The following PLXNA4 variants were observed in gnomAD, a reference collection of about 807,000 sequenced individuals.
PLXNA4 encodes the protein plexin-A4.
In PLXNA4, 44 loss-of-function variants were observed where a neutral mutation model predicts 191.8. The ratio of observed to expected loss-of-function variants is 0.23; its 90% confidence interval spans 0.18 to 0.29. The LOEUF (loss-of-function observed/expected upper bound fraction) is 0.29. Ranked by LOEUF, PLXNA4 falls within the 10% of genes least tolerant of loss-of-function variation. PLXNA4 has a pLI of 1.00. For synonymous variants in PLXNA4, 1,082 were observed against 1,009.5 expected (o/e 1.07, Z -1.36); for missense variants, 1,800 against 2,488.8 (o/e 0.72, Z 5.89).
intron 2 of PLXNA4, among the ~76,000 whole-genome samples, chr7:132,586,694 A>G (rs1342302209): frequency 6.6e-6 from 1 of 152,212 alleles, no homozygotes; most frequent in African/African-American, 2.4e-5. Context: ...CGGAGGTTGC[A>G]GTGAGCCGAG....
intron 3 of PLXNA4, among the ~76,000 whole-genome samples, chr7:132,475,908 CGAGTCA>C (rs1797109656): frequency 6.6e-6 from 1 of 152,102 alleles, no homozygotes; most frequent in Admixed American, 6.5e-5. Flanking sequence ...CCAAAGTGGG[CGAGTCA>C]GAGGTAAACT....
intron 9 of PLXNA4, among the ~76,000 whole-genome samples, chr7:132,219,656 GT>G (rs746337787): frequency 2.0e-5 from 3 of 151,644 alleles, no homozygotes; most frequent in African/African-American, 7.3e-5. Flanking sequence ...TAATTGGGTA[GT>G]TTTTTTTTAC....
rs557943330 is a variant in PLXNA4, at chr7:132,346,311, A to G, written c.1372-48089T>C. On this transcript the variant is annotated intron_variant, in intron 3 of 31. Coordinates refer to ENST00000321063, the MANE Select transcript of PLXNA4 (RefSeq NM_020911.2). ...AGGCTCTTCACATCTTTGGTCCACT[A>G]TCAGGAAGGCAGTTAGATGTTTTAA... Among the ~76,000 whole-genome samples, 6 of 152,330 alleles carry G rather than the reference A, an allele frequency of 3.9e-5. No individual in the cohort carries two copies. The South Asian group carries it at 1.2e-3, about 32-fold the overall frequency.
intron 3 of PLXNA4, among the ~76,000 whole-genome samples, chr7:132,306,807 C>T (rs1251586810): frequency 1.3e-5 from 2 of 152,152 alleles, no homozygotes; most frequent in Non-Finnish European, 2.9e-5. Flanking sequence ...GGGGCCACAT[C>T]TCAGCTCAAA....
chr7:132,438,275 C>G (rs567212703), intron 3 of PLXNA4, among the ~76,000 whole-genome samples: 1 of 152,252 alleles, frequency 6.6e-6, no homozygotes, highest in Non-Finnish European at 1.5e-5. Flanking sequence ...GTGTAGATAA[C>G]AGTAAGTAAC....
At chr7:132,434,094 C>T (rs1795379595) in intron 3 of PLXNA4, among the ~76,000 whole-genome samples, 1 of 152,242 alleles carries the variant, frequency 6.6e-6, no homozygotes, top group African/African-American at 2.4e-5. Flanking sequence ...CCTTGCCTGA[C>T]TCCAAGGACG....
chr7:132,469,980 C>T (rs1051249134), intron 3 of PLXNA4, among the ~76,000 whole-genome samples: 6 of 152,212 alleles, frequency 3.9e-5, no homozygotes, highest in African/African-American at 4.8e-5. Context: ...TGTATACTGT[C>T]GGGTTCAGTG....
chr7:132,191,453 G>C (rs927102860), intron 14 of PLXNA4, among the ~76,000 whole-genome samples: 3 of 152,168 alleles, frequency 2.0e-5, no homozygotes, highest in Non-Finnish European at 4.4e-5. Flanking sequence ...GAACAGCCAG[G>C]TGATGGTGGC....
chr7:132,375,010 C>T (rs990060294), intron 3 of PLXNA4, among the ~76,000 whole-genome samples: 8 of 152,208 alleles, frequency 5.3e-5, no homozygotes, highest in East Asian at 1.9e-4. Context: ...CCAAGAAAGG[C>T]GAGGCTGTCC....
chr7:132,311,505 A>G (rs1801740878), intron 3 of PLXNA4, among the ~76,000 whole-genome samples: 2 of 152,072 alleles, frequency 1.3e-5, no homozygotes, highest in African/African-American at 4.8e-5. Flanking sequence ...TGAAGTTTAC[A>G]TTTTCTGGCT....
chr7:132,158,439 C>T (rs907946146), intron 25 of PLXNA4, among the ~76,000 whole-genome samples: 2 of 152,198 alleles, frequency 1.3e-5, no homozygotes, highest in African/African-American at 2.4e-5. Flanking sequence ...AGCACATACA[C>T]ACATCAATGC....
chr7:132,249,438 T>C (rs892668485), intron 4 of PLXNA4, among the ~76,000 whole-genome samples: 5 of 152,176 alleles, frequency 3.3e-5, no homozygotes, highest in African/African-American at 1.2e-4. Flanking sequence ...TTGGTCCTCA[T>C]TAGCAAACGG....
At chr7:132,621,513 C>A (rs1424060989) in intron 2 of PLXNA4, among the ~76,000 whole-genome samples, 1 of 152,128 alleles carries the variant, frequency 6.6e-6, no homozygotes, top group African/African-American at 2.4e-5. Flanking sequence ...CCCGCCTCAG[C>A]CTCCCAAGGT....
Position 132,239,615 on chromosome 7 carries a change from C to T in PLXNA4, c.1604+1451G>A, listed in dbSNP as rs1399932852. 2.0e-5 allele frequency among the ~76,000 whole-genome samples: 3 copies of T among 152,276 alleles called. No homozygotes were observed. The South Asian group carries it at 6.2e-4, about 32-fold the overall frequency. ...ACTGGGTGACACAAAGAAAACTGCC[C>T]CCTGTCTGCCTGGCAAGGTATCATT... On this transcript the variant is annotated intron_variant, in intron 5 of 31. Coordinates refer to ENST00000321063, the MANE Select transcript of PLXNA4 (RefSeq NM_020911.2).
rs141114304 is a variant in PLXNA4 at position 132,513,660 on chromosome 7, T to TTTTTG, written c.-86-4886_-86-4882dup. On this transcript the variant is annotated intron_variant, in intron 1 of 31. Coordinates refer to ENST00000321063, the MANE Select transcript of PLXNA4 (RefSeq NM_020911.2). The stretch of plus-strand genomic sequence containing the variant: ...GAGTCACAGGTGTTTTTTGTTTTAG[T>TTTTTG]TTTTGTTTTGTTTTGTTTTGTTTTG... 8.6e-3 allele frequency among the ~76,000 whole-genome samples: 1,299 copies of TTTTTG among 150,668 alleles called. 8 individuals carry two copies. Among genetic ancestry groups the TTTTTG allele is most frequent in the Middle Eastern group, 0.041 (12 of 292 alleles).
intron 3 of PLXNA4, among the ~76,000 whole-genome samples, chr7:132,482,699 T>C (rs1797386887): frequency 6.7e-6 from 1 of 150,208 alleles, no homozygotes; most frequent in South Asian, 2.1e-4. Flanking sequence ...GAGAAACTTT[T>C]TTTTTTTTTT....
intron 4 of PLXNA4, among the ~76,000 whole-genome samples, chr7:132,296,262 G>A (rs1410663889): frequency 6.6e-6 from 1 of 152,136 alleles, no homozygotes; most frequent in Non-Finnish European, 1.5e-5. Flanking sequence ...TGCCAAGCCT[G>A]AATGGACAGT....
intron 3 of PLXNA4, among the ~76,000 whole-genome samples, chr7:132,406,690 A>C (rs1219353541): frequency 6.6e-6 from 1 of 152,326 alleles, no homozygotes; most frequent in East Asian, 1.9e-4. Flanking sequence ...ACAGGTTAAA[A>C]GAGCATGACC....
chr7:132,589,473 C>A (rs1802566487), intron 2 of PLXNA4, among the ~76,000 whole-genome samples: 1 of 152,170 alleles, frequency 6.6e-6, no homozygotes, highest in African/African-American at 2.4e-5. Flanking sequence ...TATTATTTAA[C>A]TAGCATGTTG....
Sources: gnomAD v4.1 joint callset for allele counts (sites outside exome capture counted in the v4.1 genomes callset) on GRCh38, gnomAD v4.1.1 for gene constraint, MANE v1.5 for transcripts, NCBI Gene and HGNC (gene_info 2026-07-23, HGNC 2026-07-21) for gene names.